MYOM1: variants seen among roughly 807,000 people sequenced by gnomAD.
MYOM1 encodes myomesin 1.
MYOM1 carries 164 observed loss-of-function variants against 205.3 expected under a neutral mutation model. The observed-to-expected ratio is 0.80, with a 90% CI of 0.70 to 0.91. MYOM1 has a LOEUF of 0.91. MYOM1 is among the 40% of genes least tolerant of loss of function. The pLI, the probability that MYOM1 is intolerant of heterozygous loss-of-function variation, is 0.00. For missense variants in MYOM1, 2,011 were observed against 2,127.3 expected, an observed-to-expected ratio of 0.95 and a Z score of 1.08; for synonymous variants, 772 against 789.4, an observed-to-expected ratio of 0.98 and a Z score of 0.37.
At position 3,179,866 on chromosome 18, in the gene MYOM1, G is replaced by A. The variant is rs2080703572; in HGVS notation, c.930-3732C>T. Among the ~76,000 whole-genome samples, 4 of 152,340 alleles carry A rather than the reference G, an allele frequency of 2.6e-5. No homozygotes were observed. The highest frequency in any genetic ancestry group is 9.6e-5 in the African/African-American group (4 of 41,570). On this transcript the variant is annotated intron_variant, in intron 5 of 37. Coordinates refer to ENST00000356443, the MANE Select transcript of MYOM1 (RefSeq NM_003803.4). This position sits in a 1 kb window ranked among gnomAD's most constrained non-coding sequence, Gnocchi z 4.4. ...TCTTTCTTGTGCTGGAGGGTTTTCA[G>A]TGGTTCCTCTTTGCCTAAGAAAAGC...
At chr18:3,118,773 C>T (rs189735106) in intron 20 of MYOM1, among the ~76,000 whole-genome samples, 2 of 152,252 alleles carry the variant, frequency 1.3e-5, no homozygotes, top group African/African-American at 4.8e-5. Context: ...GCAGAAAGGA[C>T]TTAAGAAATA....
chr18:3,186,822 AAGAG>A (rs755447593), intron 5 of MYOM1, among the ~76,000 whole-genome samples: 3 of 143,802 alleles, frequency 2.1e-5, no homozygotes, highest in East Asian at 2.0e-4. Context: ...GAAAGAAAGA[AAGAG>A]AAAGAAAGAA....
intron 5 of MYOM1, among the ~76,000 whole-genome samples, chr18:3,186,264 G>A (rs1202382860): frequency 6.6e-6 from 1 of 152,026 alleles, no homozygotes; most frequent in Non-Finnish European, 1.5e-5. Flanking sequence ...TACCTCCACA[G>A]TGCTAGGCAG....
rs370387306 is a variant in MYOM1 at position 3,115,549 on chromosome 18, TC to T, written c.3303+781del. 3.3e-5 allele frequency among the ~76,000 whole-genome samples: 5 copies of T among 152,308 alleles called. No homozygotes were observed. In the East Asian group the frequency reaches 9.6e-4, roughly 29 times the overall value. On this transcript the variant is annotated intron_variant, in intron 21 of 37. Transcript: ENST00000356443. ...GACTGTGCAAACGCAGTGTGTAACT[TC>T]CTGAGTGACTGTGGTGAAGTCAGTC...
chr18:3,189,596 G>T lies in MYOM1; in HGVS notation c.432-509C>A, dbSNP rs2080877226. The stretch of plus-strand genomic sequence containing the variant: ...GCTGGTCTCGAATTCCTGACCTGAG[G>T]TGATCCACCAGCCTTGGCCTCCCAA... On this transcript the variant is annotated intron_variant, in intron 3 of 37. Coordinates refer to ENST00000356443, the MANE Select transcript of MYOM1 (RefSeq NM_003803.4). The surrounding 1 kb of genome is among the most constrained non-coding windows in gnomAD (Gnocchi z 4.8). 6.6e-6 allele frequency among the ~76,000 whole-genome samples: 1 copy of T among 152,206 alleles called. No individual in the cohort carries two copies. Among genetic ancestry groups the T allele is most frequent in the African/African-American group, 2.4e-5 (1 of 41,444 alleles).
chr18:3,107,807 G>C (rs566408838), intron 22 of MYOM1, among the ~76,000 whole-genome samples: 12 of 152,258 alleles, frequency 7.9e-5, no homozygotes, highest in Middle Eastern at 3.4e-3. Flanking sequence ...GCTAACTTTG[G>C]GAGAAGGTTA....
At chr18:3,222,506 C>A (rs1188287917), upstream of MYOM1, among the ~76,000 whole-genome samples, 1 of 152,280 alleles carries the variant, frequency 6.6e-6, no homozygotes, top group South Asian at 2.1e-4. Context: ...AGTGTGTGTG[C>A]ACTTCTCTCA....
intron 2 of MYOM1, among the ~76,000 whole-genome samples, chr18:3,203,159 A>T (rs1453265622): frequency 6.6e-6 from 1 of 151,456 alleles, no homozygotes; most frequent in African/African-American, 2.4e-5. Flanking sequence ...ACTTAGAGGG[A>T]CATATATAGC....
rs117801521 is a variant in MYOM1, at chr18:3,139,483, C to T, written c.2025+2456G>A. Among the ~76,000 whole-genome samples the T allele has an allele frequency of 9.5e-4, 144 of 152,284 alleles. 1 individual carries two copies. In the East Asian group the frequency reaches 0.026, roughly 28 times the overall value. On this transcript the variant is annotated intron_variant, in intron 14 of 37. Coordinates refer to ENST00000356443, the MANE Select transcript of MYOM1 (RefSeq NM_003803.4). ...ATGCCGTGAAGAAGAACAAGCACAG[C>T]GGTGGCCCAAGAGGCAGCATGCTGG... is the stretch of plus-strand genomic sequence containing the variant.
chr18:3,224,494 GGCATGCCT>G (rs1244110244), upstream of MYOM1, among the ~76,000 whole-genome samples: 2 of 152,188 alleles, frequency 1.3e-5, no homozygotes, highest in Non-Finnish European at 2.9e-5. Flanking sequence ...CTTGGAAGAG[GGCATGCCT>G]GCCATGGTGC....
chr18:3,210,371 G>A (rs1044667503), intron 2 of MYOM1, among the ~76,000 whole-genome samples: 6 of 152,206 alleles, frequency 3.9e-5, no homozygotes, highest in Admixed American at 2.0e-4. Context: ...TGGGTGACAC[G>A]TGGGAGTGGG....
At chr18:3,141,022 T>A (rs568617534) in intron 14 of MYOM1, among the ~76,000 whole-genome samples, 2 of 152,330 alleles carry the variant, frequency 1.3e-5, no homozygotes, top group South Asian at 4.1e-4. Context: ...AATCAGAACC[T>A]TTTTAACAAA....
In MYOM1 at chr18:3,176,125, GTTT is replaced by G; in HGVS notation, c.936_938del (p.Lys312del). The G allele has an allele frequency of 6.2e-7, 1 of 1,601,882 alleles. No homozygotes were observed. Among genetic ancestry groups the G allele is most frequent in the Non-Finnish European group, 8.6e-7 (1 of 1,169,134 alleles). On this transcript the variant is annotated inframe_deletion, in exon 6 of 38. Transcript: ENST00000356443. ...TTGCATGGACATTTATTGGCACCTGGTTTTTATACCTATAACAGAATGGAAACA... is the reference window on the plus strand; with the variant it reads ...TTGCATGGACATTTATTGGCACCTGGTTATACCTATAACAGAATGGAAACA...
rs116611228 is a variant in MYOM1, at chr18:3,087,401, T to C, written c.4138-1250A>G. ...CTCCTTGCATCTGAGCTTTCTGTTG[T>C]CCGGGATGGCAAAGGTCATAGCTCC... On this transcript the variant is annotated intron_variant, in intron 29 of 37. Coordinates refer to ENST00000356443, the MANE Select transcript of MYOM1 (RefSeq NM_003803.4). Among the ~76,000 whole-genome samples the C allele has an allele frequency of 4.9e-3, 741 of 151,766 alleles. 5 individuals carry two copies. The highest frequency in any genetic ancestry group is 0.017 in the African/African-American group (717 of 41,366).
At chr18:3,221,451 C>A (rs936744704), upstream of MYOM1, among the ~76,000 whole-genome samples, 1 of 152,178 alleles carries the variant, frequency 6.6e-6, no homozygotes. Context: ...TATACATGAT[C>A]CCACTGACTT....
chr18:3,097,403 CAG>C (rs1353489286), intron 25 of MYOM1, among the ~76,000 whole-genome samples: 1 of 152,226 alleles, frequency 6.6e-6, no homozygotes, highest in East Asian at 1.9e-4. Context: ...ACTTGCATGT[CAG>C]AGTTTGTTAT....
At chr18:3,132,433 AG>A (rs1206465228) in intron 16 of MYOM1, among the ~76,000 whole-genome samples, 1 of 152,112 alleles carries the variant, frequency 6.6e-6, no homozygotes, top group Non-Finnish European at 1.5e-5. Context: ...TACAGGCAAG[AG>A]CCACCAAGCC....
In MYOM1 at chr18:3,135,998, G is replaced by A. The variant is rs1018838613; in HGVS notation, c.2026-268C>T. On this transcript the variant is annotated intron_variant, in intron 14 of 37. Coordinates refer to ENST00000356443, the MANE Select transcript of MYOM1 (RefSeq NM_003803.4). This position sits in a 1 kb window ranked among gnomAD's most constrained non-coding sequence, Gnocchi z 4.1. ...TCCCATAATTCCCATGTGTGTGGGA[G>A]GGACCTGGTGGGAGATAATTGAATC... Among the ~76,000 whole-genome samples the A allele has an allele frequency of 2.0e-5, 3 of 152,186 alleles. No homozygotes were observed. The highest frequency in any genetic ancestry group is 4.4e-5 in the Non-Finnish European group (3 of 68,036).
At chr18:3,134,112 T>C (rs1177200546) in intron 16 of MYOM1, among the ~76,000 whole-genome samples, 1 of 116,630 alleles carries the variant, frequency 8.6e-6, no homozygotes, top group African/African-American at 3.4e-5. Flanking sequence ...CTCAAACTCC[T>C]GGGCTCAAGC....
Sources: allele counts gnomAD v4.1 joint callset (sites outside exome capture counted in the v4.1 genomes callset), GRCh38; gene constraint gnomAD v4.1.1; non-coding constraint Gnocchi (gnomAD v3.1); transcripts MANE v1.5; gene names NCBI Gene and HGNC (gene_info 2026-07-23, HGNC 2026-07-21).